Variants in PPP4R4 observed in about 807,000 individuals in gnomAD.
PPP4R4 encodes the protein serine/threonine-protein phosphatase 4 regulatory subunit 4.
A neutral mutation model predicts 121.8 loss-of-function variants in PPP4R4; 70 were observed. The ratio of observed to expected loss-of-function variants is 0.57; its 90% confidence interval spans 0.47 to 0.70. PPP4R4 has a LOEUF of 0.70. PPP4R4 is among the 30% of genes least tolerant of loss of function. The pLI is 0.00. For missense variants in PPP4R4, 875 were observed against 1,033.6 expected (o/e 0.85, Z 2.10); for synonymous variants, 348 against 355.7 (o/e 0.98, Z 0.24).
rs991599507 is a variant in PPP4R4, at chr14:94,274,140, A to G, written c.2450-1234A>G. Among the ~76,000 whole-genome samples, 23 of 152,180 alleles carry G rather than the reference A, an allele frequency of 1.5e-4. 1 individual carries two copies. Among genetic ancestry groups the G allele is most frequent in the Middle Eastern group, 6.3e-3 (2 of 316 alleles). Reference sequence around the variant, plus strand: ...CCTGTGAATCTCAAGTCTTATCACTATACACAAAATTATACTATACTCAAA... The same window carrying G: ...CCTGTGAATCTCAAGTCTTATCACTGTACACAAAATTATACTATACTCAAA... On this transcript the variant is annotated intron_variant, in intron 23 of 24. Coordinates refer to ENST00000304338, the MANE Select transcript of PPP4R4 (RefSeq NM_058237.2).
Position 94,247,968 on chromosome 14 carries a change from C to G in PPP4R4, c.1611+1429C>G, listed in dbSNP as rs148422185. ...CACTGCCAACATCAAACTGATTGGG[C>G]AAAAGCTGGAAGCCATCCCCTTGAG... is the stretch of plus-strand genomic sequence containing the variant. On this transcript the variant is annotated intron_variant, in intron 14 of 24. Transcript: ENST00000304338. Among the ~76,000 whole-genome samples the G allele has an allele frequency of 4.6e-5, 7 of 152,196 alleles. No individual in the cohort carries two copies. The East Asian group carries it at 5.8e-4, about 13-fold the overall frequency.
chr14:94,245,550 T>C, intron 12 of PPP4R4, 37 bp from the exon 13 acceptor site: 2 of 1,108,196 alleles, frequency 1.8e-6, no homozygotes, highest in South Asian at 2.0e-5. Context: ...AAAAACATAG[T>C]AATCACTATA....
intron 4 of PPP4R4, 85 bp downstream of exon 4, chr14:94,230,819 G>C: frequency 2.2e-6 from 3 of 1,393,708 alleles, no homozygotes; most frequent in Non-Finnish European, 2.9e-6. Context: ...CTGTTAGCCT[G>C]ATGAGGATAA....
intron 4 of PPP4R4, among the ~76,000 whole-genome samples, 189 bp from the exon 5 acceptor site, chr14:94,231,053 C>T (rs1892005287): frequency 6.6e-6 from 1 of 152,078 alleles, no homozygotes; most frequent in Non-Finnish European, 1.5e-5. Flanking sequence ...CTCACCAATA[C>T]TATTTTTAAA....
Position 94,241,944 on chromosome 14 carries a change from CT to C in PPP4R4, c.1135del (p.Tyr379IlefsTer6). ...KKYISVRKNC[A>X]YNFPAMIVFV... ...TATATTTCAGTACGGAAGAACTGTG[CT>C]TATAACTTTCCGGTAATAAATATGT... On this transcript the variant is annotated frameshift_variant, in exon 10 of 25. Coordinates refer to ENST00000304338, the MANE Select transcript of PPP4R4 (RefSeq NM_058237.2). LOFTEE classifies it high-confidence loss of function. 1 of 1,590,880 alleles carries C rather than the reference CT, an allele frequency of 6.3e-7. No homozygotes were observed. The highest frequency in any genetic ancestry group is 8.5e-7 in the Non-Finnish European group (1 of 1,171,926).
chr14:94,234,809 G>T, intron 7 of PPP4R4, 140 bp downstream of exon 7: 1 of 658,484 alleles, frequency 1.5e-6, no homozygotes, highest in Non-Finnish European at 2.6e-6. Flanking sequence ...TGCTTAGCAT[G>T]GTGGTAGGCG....
chr14:94,188,902 A>G (rs559313491), intron 2 of PPP4R4, among the ~76,000 whole-genome samples: 1 of 152,302 alleles, frequency 6.6e-6, no homozygotes, highest in African/African-American at 2.4e-5. Context: ...AAATCCCATC[A>G]CATTGTATAT....
intron 23 of PPP4R4, among the ~76,000 whole-genome samples, chr14:94,270,917 C>CAAA (rs201555650): frequency 1.8e-4 from 25 of 135,460 alleles, no homozygotes; most frequent in Admixed American, 1.5e-3. Context: ...GACTCCATCT[C>CAAA]AAAAAAAAAA....
In PPP4R4 at chr14:94,269,397, C is replaced by T. The variant is rs766665225; in HGVS notation, c.2449+2368C>T. 3.3e-5 allele frequency among the ~76,000 whole-genome samples: 5 copies of T among 151,930 alleles called. 1 individual carries two copies. Among genetic ancestry groups the T allele is most frequent in the Admixed American group, 6.6e-5 (1 of 15,246 alleles). ...GTGTTACATAAAACTGTAAGGAGGC[C>T]GGGCGCTGTGGCTCACGCCTGCAAT... On this transcript the variant is annotated intron_variant, in intron 23 of 24. Coordinates refer to ENST00000304338, the MANE Select transcript of PPP4R4 (RefSeq NM_058237.2).
intron 24 of PPP4R4, 98 bp downstream of exon 24, chr14:94,275,619 G>C: frequency 1.5e-6 from 2 of 1,336,996 alleles, no homozygotes; most frequent in Non-Finnish European, 2.1e-6. Context: ...AATAGAAAAT[G>C]TCTGTGATGA....
At chr14:94,269,669 AC>A (rs1394318240) in intron 23 of PPP4R4, among the ~76,000 whole-genome samples, 2 of 151,904 alleles carry the variant, frequency 1.3e-5, no homozygotes, top group Non-Finnish European at 2.9e-5. Context: ...AAAAAAAAAA[AC>A]AAAAACAAAA....
chr14:94,226,672 A>G (rs1891722654), intron 3 of PPP4R4, among the ~76,000 whole-genome samples: 1 of 152,168 alleles, frequency 6.6e-6, no homozygotes, highest in African/African-American at 2.4e-5. Flanking sequence ...TATGATCTTT[A>G]ATAGCCCAGA....
intron 23 of PPP4R4, among the ~76,000 whole-genome samples, chr14:94,269,695 A>G (rs952995348): frequency 6.6e-6 from 1 of 152,016 alleles, no homozygotes; most frequent in Non-Finnish European, 1.5e-5. Flanking sequence ...ACAAACAAAC[A>G]AACAAAACTG....
chr14:94,223,234 A>G (rs549740739), intron 3 of PPP4R4, among the ~76,000 whole-genome samples: 2 of 152,220 alleles, frequency 1.3e-5, no homozygotes, highest in East Asian at 3.9e-4. Flanking sequence ...CTCCTTATAT[A>G]TGTTGATATT....
In PPP4R4 at chr14:94,230,066, GT is replaced by G. The variant is rs557802512; in HGVS notation, c.295-518del. Among the ~76,000 whole-genome samples the G allele has an allele frequency of 1.1e-3, 167 of 152,190 alleles. 1 individual carries two copies. The highest frequency in any genetic ancestry group is 2.1e-3 in the Non-Finnish European group (140 of 67,968). On this transcript the variant is annotated intron_variant, in intron 3 of 24. Coordinates refer to ENST00000304338, the MANE Select transcript of PPP4R4 (RefSeq NM_058237.2). ...CTTAAGAAATTTTCTTTTGAAAACAGTTTACTTCATGGTAATTTGTGTTCTC... is the reference window on the plus strand; with the variant it reads ...CTTAAGAAATTTTCTTTTGAAAACAGTTACTTCATGGTAATTTGTGTTCTC...
At chr14:94,216,932 A>T (rs1891052211) in intron 3 of PPP4R4, among the ~76,000 whole-genome samples, 1 of 152,174 alleles carries the variant, frequency 6.6e-6, no homozygotes, top group Non-Finnish European at 1.5e-5. Context: ...AGGACCCTGC[A>T]CTGATAAAAA....
intron 2 of PPP4R4, among the ~76,000 whole-genome samples, chr14:94,196,901 C>T (rs1889904755): frequency 1.3e-5 from 2 of 152,092 alleles, no homozygotes; most frequent in Admixed American, 6.5e-5. Context: ...TATTAGTCTG[C>T]TCCTTATTCT....
intron 3 of PPP4R4, among the ~76,000 whole-genome samples, chr14:94,226,510 AATG>A (rs563721089): frequency 3.7e-4 from 56 of 152,284 alleles, no homozygotes; most frequent in African/African-American, 1.3e-3. Context: ...GGATAGGGAA[AATG>A]ATGAGGTATA....
intron 14 of PPP4R4, among the ~76,000 whole-genome samples, chr14:94,247,263 G>T (rs1892943960): frequency 6.6e-6 from 1 of 152,304 alleles, no homozygotes; most frequent in East Asian, 1.9e-4. Flanking sequence ...TGTGATCTCG[G>T]CACAGAAGGC....
Sources: allele counts gnomAD v4.1 joint callset (sites outside exome capture counted in the v4.1 genomes callset), GRCh38; gene constraint gnomAD v4.1.1; transcripts MANE v1.5; gene names NCBI Gene and HGNC (gene_info 2026-07-23, HGNC 2026-07-21).